The following SH2D3A variants were observed in gnomAD, a reference collection of about 807,000 sequenced individuals.
SH2D3A encodes SH2 domain containing 3A, also known as SH2 domain-containing protein 3A.
Under a neutral mutation model 50.6 loss-of-function variants are expected in SH2D3A, and 46 were observed. The observed-to-expected ratio is 0.91, with a 90% confidence interval of 0.72 to 1.16. The LOEUF (loss-of-function observed/expected upper bound fraction) is 1.16, where lower values mean the gene tolerates loss of function less well. SH2D3A is among the 50% of genes most tolerant of loss of function. The pLI is 0.00. For missense variants in SH2D3A, 783 were observed against 786.2 expected, an observed-to-expected ratio of 1.00 and a Z score of 0.05; for synonymous variants, 377 against 348.4, an observed-to-expected ratio of 1.08 and a Z score of -0.91.
At chr19:6,766,584 C>T (rs1970312807) in intron 1 of SH2D3A, among the ~76,000 whole-genome samples, 1 of 152,218 alleles carries the variant, frequency 6.6e-6, no homozygotes, top group South Asian at 2.1e-4. Flanking sequence ...GCAGGACTCG[C>T]TTTTGACGTT....
At chr19:6,753,682 A>ATGGGGCATAGGGCAGAGG (rs1969464725) in intron 8 of SH2D3A, 41 bp from the exon 9 acceptor site, 2 of 1,492,950 alleles carry the variant, frequency 1.3e-6, no homozygotes, top group Non-Finnish European at 1.8e-6. Flanking sequence ...GGGGCTGTAG[A>ATGGGGCATAGGGCAGAGG]TGGGGCATAG....
chr19:6,758,194 G>C (rs1969805303), intron 4 of SH2D3A: 2 of 152,004 alleles, frequency 1.3e-5, no homozygotes, highest in African/African-American at 4.8e-5. Flanking sequence ...TGGCCAGGCT[G>C]GTCTCGAACT....
chr19:6,755,074 CG>C lies in SH2D3A; in HGVS notation c.737del (p.Pro246ArgfsTer79). On this transcript the variant is annotated frameshift_variant, in exon 5 of 10. Transcript: ENST00000245908. LOFTEE classifies it high-confidence loss of function. ...CCTCTGGCTCTGGGCAGCTTTGGCT[CG>C]GGGATGTTCCCTGGACACTGGGCAC... Reference protein sequence around the residue: ...PRVPSVQGTSPSQSCPEPEAP... With the variant: ...PRVPSVQGTSXSQSCPEPEAP... 6.2e-7 allele frequency: 1 copy of C among 1,614,066 alleles called. No homozygotes were observed.
In SH2D3A at chr19:6,763,818, T is replaced by G. The variant is rs1970161455; in HGVS notation, c.-68-2A>C. On this transcript the variant is annotated splice_acceptor_variant, in intron 1 of 9. Transcript: ENST00000245908. LOFTEE classifies it low-confidence loss of function (5UTR_SPLICE). ...TCAACAGGCCTCAGTCTTCCACATC[T>G]GTAAAAGGGGAATAATTAGCCCTGC... 1.5e-6 allele frequency: 2 copies of G among 1,306,738 alleles called. No homozygotes were observed. The highest frequency in any genetic ancestry group is 1.9e-5 in the Admixed American group (1 of 51,720). The allele number at this position is 1,306,738 out of a possible 1,614,324, so 80.9% of individuals were successfully genotyped here.
chr19:6,759,634 C>T lies in SH2D3A; in HGVS notation c.456G>A (p.Leu152=). ...CTTCTCTTGACCGCCCCATATGTGC[C>T]AAATCTGCAGGCTGACTGTTGCTCC... ...RKWSNSQPAD[L]AHMGRSREDP... Residue 152 remains leucine (L), a synonymous_variant, in exon 4 of 10, where the codon TTG becomes TTA. Transcript: ENST00000245908. 1.9e-6 allele frequency: 3 copies of T among 1,613,984 alleles called. No individual in the cohort carries two copies. Among genetic ancestry groups the T allele is most frequent in the Non-Finnish European group, 2.5e-6 (3 of 1,179,920 alleles).
At chr19:6,757,100 C>A (rs923317439) in intron 4 of SH2D3A, among the ~76,000 whole-genome samples, 2 of 151,834 alleles carry the variant, frequency 1.3e-5, no homozygotes. Context: ...CTCTTGACCT[C>A]GTGATCCGCC....
At chr19:6,759,296 G>A (rs1202754041) in intron 4 of SH2D3A, 4 of 286,230 alleles carry the variant, frequency 1.4e-5, no homozygotes, top group South Asian at 3.3e-5. Flanking sequence ...TGTTTTTAGT[G>A]GAGATGGGGT....
rs750383107 is a variant in SH2D3A, at chr19:6,755,333, G to A, written c.497-18C>T. On this transcript the variant is annotated intron_variant, in intron 4 of 9. Coordinates refer to ENST00000245908, the MANE Select transcript of SH2D3A (RefSeq NM_005490.3). ...GGAGGCTTCTAGAGGTCATACAAGA[G>A]GGGTCAATGGGAATACACAGGGAAG... is the stretch of plus-strand genomic sequence containing the variant. 1.1e-4 allele frequency: 155 copies of A among 1,474,402 alleles called. No individual in the cohort carries two copies. Among genetic ancestry groups the A allele is most frequent in the Non-Finnish European group, 1.4e-4 (150 of 1,106,606 alleles). 91.3% of individuals were successfully genotyped at this position (1,474,402 alleles called of 1,614,324 possible). A position where few individuals can be genotyped will look rare whatever the true frequency, so the allele number is the denominator to read the frequency against.
chr19:6,756,137 GAGAT>G (rs949466022), intron 4 of SH2D3A, among the ~76,000 whole-genome samples: 5 of 146,824 alleles, frequency 3.4e-5, no homozygotes, highest in African/African-American at 9.9e-5. Context: ...CATATCTATA[GAGAT>G]AGATATATAT....
chr19:6,753,852 G>A (rs1318923097), intron 8 of SH2D3A, among the ~76,000 whole-genome samples, 200 bp downstream of exon 8: 1 of 151,820 alleles, frequency 6.6e-6, no homozygotes, highest in Non-Finnish European at 1.5e-5. Flanking sequence ...AGGCTGGTGG[G>A]GGCGTGGCCT....
intron 8 of SH2D3A, 116 bp from the exon 9 acceptor site, chr19:6,753,757 T>C: frequency 1.7e-6 from 2 of 1,164,622 alleles, no homozygotes; most frequent in Non-Finnish European, 2.3e-6. Flanking sequence ...GCGGGGTCTG[T>C]GGAGAGGGGC....
intron 3 of SH2D3A, 115 bp from the exon 4 acceptor site, chr19:6,759,785 G>A: frequency 1.0e-6 from 1 of 988,414 alleles, no homozygotes; most frequent in East Asian, 2.5e-5. Flanking sequence ...ACCAATCAAG[G>A]TGACCTACGT....
chr19:6,761,220 C>T (rs1407719849), intron 2 of SH2D3A: 9 of 543,340 alleles, frequency 1.7e-5, no homozygotes, highest in Non-Finnish European at 2.0e-5. Context: ...GTGATGAGAA[C>T]TGGCCAATGG....
At position 6,753,603 on chromosome 19, in the gene SH2D3A, C is replaced by T. The variant is rs754635882; in HGVS notation, c.1423G>A (p.Ala475Thr). The change falls in exon 9 of 10, where the codon GCA becomes ACA. Residue 475 changes from alanine (A) to threonine (T), a missense_variant. Coordinates refer to ENST00000245908, the MANE Select transcript of SH2D3A (RefSeq NM_005490.3). ...CCCTCCAGTAGGCGAACCATGGGTG[C>T]CACGTGCGGCAGCGCCACCTCGCCG... ...DPGEVALPHVAPMVRLLEGEE... is the reference protein window; with the variant it reads ...DPGEVALPHVTPMVRLLEGEE... The T allele has an allele frequency of 3.1e-6, 5 of 1,589,622 alleles. No homozygotes were observed. In the South Asian group the frequency reaches 3.4e-5, roughly 11 times the overall value.
intron 9 of SH2D3A, chr19:6,753,055 G>C (rs1969408607): frequency 1.0e-6 from 1 of 985,266 alleles, no homozygotes; most frequent in African/African-American, 1.7e-5. Flanking sequence ...CCCCGAGGAC[G>C]GGATCCCAGG....
At position 6,754,353 on chromosome 19, in the gene SH2D3A, G is replaced by A. The variant is rs367981678; in HGVS notation, c.1170C>T (p.Ala390=). 35 of 1,568,696 alleles carry A rather than the reference G, an allele frequency of 2.2e-5. No individual in the cohort carries two copies. Among genetic ancestry groups the A allele is most frequent in the African/African-American group, 6.7e-5 (5 of 74,148 alleles). Residue 390 remains alanine, a synonymous_variant, in exon 7 of 10, where the codon GCC becomes GCT. Coordinates refer to ENST00000245908, the MANE Select transcript of SH2D3A (RefSeq NM_005490.3). ...CCAGCTCTACCAGTCCCCTCAGTGC[G>A]GCTGCGCGCTCCTCCAGCGGCCCCG... ...GCSGPLEERA[A]ALRGLVELAL... is the part of the protein sequence containing the mutation.
chr19:6,763,893 G>C, intron 1 of SH2D3A, 77 bp from the exon 2 acceptor site: 2 of 294,322 alleles, frequency 6.8e-6, no homozygotes, highest in Non-Finnish European at 1.3e-5. Flanking sequence ...TTTGGAGACA[G>C]CTCCATCAAA....
rs1286584181 is a variant in SH2D3A at position 6,760,980 on chromosome 19, T to A, written c.77A>T (p.Glu26Val). ...YHGLLSRQKAEALLQQNGDFL... is the reference protein window; with the variant it reads ...YHGLLSRQKAVALLQQNGDFL... ...GTCGCCATTTTGCTGAAGAAGAGCT[T>A]CAGCCTTCTGTGGATGAAGTTCAGG... Residue 26 changes from glutamate (E) to valine (V), a missense_variant, in exon 3 of 10, where the codon GAA becomes GTA. Transcript: ENST00000245908. 4 of 1,608,378 alleles carry A rather than the reference T, an allele frequency of 2.5e-6. No individual in the cohort carries two copies. The highest frequency in any genetic ancestry group is 1.7e-5 in the Admixed American group (1 of 59,606).
At position 6,755,168 on chromosome 19, in the gene SH2D3A, C is replaced by CG. The variant is rs747311224; in HGVS notation, c.643dup (p.Arg215ProfsTer9). 32 of 1,602,744 alleles carry CG rather than the reference C, an allele frequency of 2.0e-5. No homozygotes were observed. Among genetic ancestry groups the CG allele is most frequent in the South Asian group, 1.1e-4 (10 of 90,078 alleles). ...ATCAGGCAGTTCGAAGGAGGGTGTC[C>CG]GGGGGGGCTTCGTTGGTGCCTTGGC... On this transcript the variant is annotated frameshift_variant, in exon 5 of 10. Transcript: ENST00000245908. LOFTEE classifies it high-confidence loss of function.
Sources: allele counts gnomAD v4.1 joint callset (sites outside exome capture counted in the v4.1 genomes callset), GRCh38; gene constraint gnomAD v4.1.1; transcripts MANE v1.5; gene names NCBI Gene and HGNC (gene_info 2026-07-23, HGNC 2026-07-21).